RNF212B: variants seen among roughly 807,000 people sequenced by gnomAD.
RNF212B encodes the protein E3 ubiquitin-protein ligase RNF212B.
RNF212B carries 52 observed loss-of-function variants against 55.5 expected under a neutral mutation model. The ratio of observed to expected loss-of-function variants is 0.94; its 90% CI spans 0.75 to 1.18. RNF212B has a LOEUF of 1.18. RNF212B is among the 50% of genes most tolerant of loss of function. The pLI is 0.00. For missense variants in RNF212B, 289 were observed against 350.4 expected (o/e 0.82, Z 1.40); for synonymous variants, 99 against 121.4 (o/e 0.82, Z 1.21).
chr14:23,221,047 T>C (rs1427316422), intron 2 of RNF212B, among the ~76,000 whole-genome samples: 1 of 151,052 alleles, frequency 6.6e-6, no homozygotes, highest in Non-Finnish European at 1.5e-5. Context: ...CAATCAAAAG[T>C]GGCTGAATGG....
chr14:23,211,670 T>G (rs1880533179), intron 2 of RNF212B, among the ~76,000 whole-genome samples: 1 of 152,162 alleles, frequency 6.6e-6, no homozygotes, highest in Admixed American at 6.5e-5. Context: ...CATAATTGAT[T>G]TAACATTCAA....
chr14:23,201,436 A>G (rs1429898050), intron 2 of RNF212B, among the ~76,000 whole-genome samples: 1 of 152,230 alleles, frequency 6.6e-6, no homozygotes, highest in African/African-American at 2.4e-5. Flanking sequence ...TTGATAATGT[A>G]CACTAAGTTA....
intron 1 of RNF212B, among the ~76,000 whole-genome samples, chr14:23,239,056 T>C (rs1400403746): frequency 6.6e-6 from 1 of 152,140 alleles, no homozygotes; most frequent in East Asian, 1.9e-4. Flanking sequence ...CCATATCAGA[T>C]CTATGATTCT....
At position 23,272,938 on chromosome 14, in the gene RNF212B, T is replaced by C; in HGVS notation, c.*47T>C. On this transcript the variant is annotated 3_prime_UTR_variant, in exon 15 of 15. Coordinates refer to ENST00000430154, the MANE Select transcript of RNF212B (RefSeq NM_001282322.3). ...ATACATGCTGCTGAAGGATGGACTG[T>C]AGCTTCCAGTACGCATTAGGGGTGA... is the stretch of plus-strand genomic sequence containing the variant. 8.8e-7 allele frequency: 1 copy of C among 1,138,810 alleles called. No individual in the cohort carries two copies. The highest frequency in any genetic ancestry group is 1.3e-6 in the Non-Finnish European group (1 of 798,734). 70.5% of individuals were successfully genotyped at this position (1,138,810 alleles called of 1,614,324 possible). A position where few individuals can be genotyped will look rare whatever the true frequency, so the allele number is the denominator to read the frequency against.
intron 1 of RNF212B, among the ~76,000 whole-genome samples, chr14:23,190,504 G>C (rs1878020286): frequency 6.6e-6 from 1 of 152,152 alleles, no homozygotes; most frequent in African/African-American, 2.4e-5. Context: ...CATTTGGTTT[G>C]TCAGCCAATC....
intron 4 of RNF212B, among the ~76,000 whole-genome samples, chr14:23,251,871 A>G (rs1448585616): frequency 3.3e-5 from 5 of 152,032 alleles, no homozygotes; most frequent in Non-Finnish European, 7.4e-5. Context: ...AATGGAAAAG[A>G]TGCAAAGTAT....
chr14:23,249,654 T>C (rs1884260211), intron 4 of RNF212B, among the ~76,000 whole-genome samples: 1 of 152,228 alleles, frequency 6.6e-6, no homozygotes, highest in African/African-American at 2.4e-5. Context: ...AGTTGAATTC[T>C]TCATCACTAC....
At chr14:23,231,969 C>T (rs1272529227) in intron 2 of RNF212B, among the ~76,000 whole-genome samples, 3 of 152,216 alleles carry the variant, frequency 2.0e-5, no homozygotes, top group African/African-American at 7.2e-5. Context: ...GGCTGGAGTG[C>T]AGTGGCGTGA....
At chr14:23,223,381 A>T (rs753047900) in intron 2 of RNF212B, among the ~76,000 whole-genome samples, 3 of 150,990 alleles carry the variant, frequency 2.0e-5, no homozygotes, top group Non-Finnish European at 4.4e-5. Context: ...TTTGAGATGG[A>T]GTCTTGCTCT....
intron 11 of RNF212B, among the ~76,000 whole-genome samples, chr14:23,266,706 C>T (rs1000317047): frequency 5.9e-5 from 9 of 152,116 alleles, no homozygotes; most frequent in African/African-American, 1.4e-4. Flanking sequence ...CCACCACACC[C>T]GGCCTGATTT....
intron 2 of RNF212B, among the ~76,000 whole-genome samples, chr14:23,221,126 C>G (rs963937806): frequency 3.3e-5 from 5 of 151,922 alleles, no homozygotes; most frequent in African/African-American, 1.2e-4. Context: ...GTGGCTCACG[C>G]CTATAATCCC....
At chr14:23,267,676 G>C (rs929460742) in intron 11 of RNF212B, among the ~76,000 whole-genome samples, 1 of 152,110 alleles carries the variant, frequency 6.6e-6, no homozygotes, top group African/African-American at 2.4e-5. Flanking sequence ...TGATCTGCCT[G>C]CCTCGGCCTC....
chr14:23,231,465 T>A (rs1396053625), intron 2 of RNF212B, among the ~76,000 whole-genome samples: 2 of 152,194 alleles, frequency 1.3e-5, no homozygotes, highest in Non-Finnish European at 2.9e-5. Context: ...CCTCACACCA[T>A]GTAGAAAATT....
intron 1 of RNF212B, chr14:23,185,610 ATATGGTAAGCTT>A (rs1877513669): frequency 1.1e-4 from 2 of 18,770 alleles, no homozygotes; most frequent in Middle Eastern, 0.017. Flanking sequence ...ACTGATAACG[ATATGGTAAGCTT>A]TAGCCCTCTC....
chr14:23,186,648 T>G (rs1257950669), intron 1 of RNF212B, among the ~76,000 whole-genome samples: 1 of 152,188 alleles, frequency 6.6e-6, no homozygotes, highest in African/African-American at 2.4e-5. Context: ...GCCTTTATAT[T>G]TTTATTCTAT....
chr14:23,248,302 G>GT (rs531947283), intron 4 of RNF212B, among the ~76,000 whole-genome samples: 6,343 of 138,412 alleles, frequency 0.046, 164 homozygotes, highest in Middle Eastern at 0.13. Flanking sequence ...TAGTTTTTGT[G>GT]TTTTTTTTTT....
chr14:23,229,609 T>C (rs1882376809), intron 2 of RNF212B, among the ~76,000 whole-genome samples: 1 of 152,090 alleles, frequency 6.6e-6, no homozygotes, highest in African/African-American at 2.4e-5. Flanking sequence ...TTCACTGTGG[T>C]TTTAATTTGC....
chr14:23,228,270 A>G (rs1882217154), intron 2 of RNF212B, among the ~76,000 whole-genome samples: 1 of 151,394 alleles, frequency 6.6e-6, no homozygotes. Flanking sequence ...GAAATTGTTT[A>G]TCTGATAATA....
At chr14:23,236,481 C>T (rs777768240), upstream of RNF212B, among the ~76,000 whole-genome samples, 2 of 152,248 alleles carry the variant, frequency 1.3e-5, no homozygotes, top group Non-Finnish European at 2.9e-5. Flanking sequence ...CGCCACTGCA[C>T]TCCAGCCCTG....
Sources: gnomAD v4.1 joint callset for allele counts (sites outside exome capture counted in the v4.1 genomes callset) on GRCh38, gnomAD v4.1.1 for gene constraint, MANE v1.5 for transcripts, NCBI Gene and HGNC (gene_info 2026-07-23, HGNC 2026-07-21) for gene names.